Variants in CACNA2D3 observed in about 807,000 individuals in gnomAD.
CACNA2D3 encodes calcium voltage-gated channel auxiliary subunit alpha2delta 3, also known as voltage-dependent calcium channel subunit alpha-2/delta-3.
A neutral mutation model predicts 160.6 loss-of-function variants in CACNA2D3; 60 were observed. The observed-to-expected ratio is 0.37, with a 90% CI of 0.30 to 0.46. The LOEUF (loss-of-function observed/expected upper bound fraction) is 0.46, where lower values mean the gene tolerates loss of function less well. Among genes scored for constraint, CACNA2D3 ranks in the 20% least tolerant of loss-of-function variants. The probability of loss-of-function intolerance (pLI) is 1.00; values close to 1 mark genes in which losing one functional copy is unlikely to be tolerated. For synonymous variants in CACNA2D3, 558 were observed against 492.9 expected (o/e 1.13, Z -1.75); for missense variants, 1,205 against 1,365.0 (o/e 0.88, Z 1.85).
chr3:54,777,151 C>G (rs551536771), intron 13 of CACNA2D3, among the ~76,000 whole-genome samples: 2 of 152,310 alleles, frequency 1.3e-5, no homozygotes, highest in Non-Finnish European at 2.9e-5. Context: ...TTCATTCTTT[C>G]ACCTTTACTC....
intron 11 of CACNA2D3, among the ~76,000 whole-genome samples, chr3:54,685,571 T>C (rs1378684604): frequency 2.0e-5 from 3 of 152,196 alleles, no homozygotes; most frequent in South Asian, 4.1e-4. Flanking sequence ...CTGGGGAAAA[T>C]ACACCTGCCT....
chr3:54,768,905 G>A (rs1356228016), intron 13 of CACNA2D3, among the ~76,000 whole-genome samples: 1 of 152,130 alleles, frequency 6.6e-6, no homozygotes, highest in Non-Finnish European at 1.5e-5. Context: ...AGAATGTTCT[G>A]AGGGTTCCTT....
chr3:54,907,032 G>T (rs1456913959), intron 27 of CACNA2D3, among the ~76,000 whole-genome samples: 2 of 152,148 alleles, frequency 1.3e-5, no homozygotes, highest in Non-Finnish European at 2.9e-5. Flanking sequence ...CACTCTCCAG[G>T]ACACTTGCTC....
intron 5 of CACNA2D3, among the ~76,000 whole-genome samples, chr3:54,528,368 A>G (rs1422111036): frequency 2.0e-5 from 3 of 152,206 alleles, no homozygotes; most frequent in Non-Finnish European, 2.9e-5. Context: ...AAATATAGCA[A>G]TATGTAACAG....
chr3:54,292,618 C>T (rs979756194), intron 2 of CACNA2D3, among the ~76,000 whole-genome samples: 1 of 152,146 alleles, frequency 6.6e-6, no homozygotes, highest in East Asian at 1.9e-4. Flanking sequence ...ATTAAAGCCA[C>T]AGTCAGATAA....
rs185757834 is a variant in CACNA2D3 at position 54,822,152 on chromosome 3, A to T, written c.1398+5282A>T. Among the ~76,000 whole-genome samples, 13 of 152,314 alleles carry T rather than the reference A, an allele frequency of 8.5e-5. No homozygotes were observed. The East Asian group carries it at 2.5e-3, about 29-fold the overall frequency. ...TTCTCCTTATCATTTACTATTTTAT[A>T]GTAACATGTAAGGTACTTTTTATAT... On this transcript the variant is annotated intron_variant, in intron 14 of 37. Transcript: ENST00000474759.
chr3:54,371,932 A>C (rs1698932198), intron 3 of CACNA2D3, among the ~76,000 whole-genome samples: 1 of 152,232 alleles, frequency 6.6e-6, no homozygotes, highest in African/African-American at 2.4e-5. Flanking sequence ...AATATGAATA[A>C]TTATTTGTCT....
chr3:54,428,580 CT>C lies in CACNA2D3; in HGVS notation c.381+41819del, dbSNP rs76169167. On this transcript the variant is annotated intron_variant, in intron 4 of 37. Coordinates refer to ENST00000474759, the MANE Select transcript of CACNA2D3 (RefSeq NM_018398.3). Reference sequence around the variant, plus strand: ...AAAAATCTGGAACTTTGATATATTTCTTTTTTTTTTTTTCACCTTTTACTTT... The same window carrying C: ...AAAAATCTGGAACTTTGATATATTTCTTTTTTTTTTTTCACCTTTTACTTT... Among the ~76,000 whole-genome samples the C allele has an allele frequency of 8.9e-3, 1,278 of 143,502 alleles. 20 individuals carry two copies. Among genetic ancestry groups the C allele is most frequent in the East Asian group, 0.076 (376 of 4,922 alleles). 94.1% of individuals were successfully genotyped at this position (143,502 alleles called of 152,430 possible). A position where few individuals can be genotyped will look rare whatever the true frequency, so the allele number is the denominator to read the frequency against.
chr3:54,433,474 T>C (rs1360872649), intron 4 of CACNA2D3, among the ~76,000 whole-genome samples: 1 of 152,258 alleles, frequency 6.6e-6, no homozygotes, highest in Non-Finnish European at 1.5e-5. Flanking sequence ...ATTTGAATTG[T>C]ACAAAGTAAC....
At chr3:54,242,724 A>T (rs779753736) in intron 2 of CACNA2D3, among the ~76,000 whole-genome samples, 17 of 152,156 alleles carry the variant, frequency 1.1e-4, no homozygotes, top group Non-Finnish European at 2.5e-4. Flanking sequence ...CGCACAATTT[A>T]AAATGTATGA....
chr3:55,005,280 AAATT>A (rs1487436227), intron 32 of CACNA2D3, among the ~76,000 whole-genome samples: 1 of 151,630 alleles, frequency 6.6e-6, no homozygotes, highest in African/African-American at 2.4e-5. Flanking sequence ...CCTCTCAAAA[AAATT>A]AAATTAAATT....
At chr3:54,931,492 G>A (rs559959663) in intron 27 of CACNA2D3, among the ~76,000 whole-genome samples, 1 of 152,246 alleles carries the variant, frequency 6.6e-6, no homozygotes, top group African/African-American at 2.4e-5. Flanking sequence ...CCAAGAGGTG[G>A]CAAGACAGCC....
At chr3:54,158,870 ACC>A (rs1700289855) in intron 2 of CACNA2D3, among the ~76,000 whole-genome samples, 1 of 152,182 alleles carries the variant, frequency 6.6e-6, no homozygotes, top group Non-Finnish European at 1.5e-5. Flanking sequence ...CATTTGTCCT[ACC>A]TCTGTGCACA....
intron 11 of CACNA2D3, among the ~76,000 whole-genome samples, chr3:54,680,888 C>G (rs991877114): frequency 6.6e-6 from 1 of 152,148 alleles, no homozygotes; most frequent in African/African-American, 2.4e-5. Flanking sequence ...CAGGGGTAGA[C>G]TGAGCACTCA....
intron 2 of CACNA2D3, among the ~76,000 whole-genome samples, chr3:54,250,125 T>C (rs1390903973): frequency 1.3e-5 from 2 of 152,206 alleles, no homozygotes; most frequent in Admixed American, 6.5e-5. Context: ...CTCTCCTCCT[T>C]GATTTCAGGA....
At chr3:54,987,086 C>T (rs1005405705) in intron 30 of CACNA2D3, among the ~76,000 whole-genome samples, 1 of 152,188 alleles carries the variant, frequency 6.6e-6, no homozygotes, top group Non-Finnish European at 1.5e-5. Context: ...TTAGAAGTCT[C>T]ATTGGCCATG....
At chr3:54,998,559 G>A (rs1702908656) in intron 31 of CACNA2D3, among the ~76,000 whole-genome samples, 3 of 152,164 alleles carry the variant, frequency 2.0e-5, no homozygotes, top group Admixed American at 2.0e-4. Flanking sequence ...GAAAGGTGTT[G>A]ATTTGGTGCC....
chr3:54,285,047 G>A (rs1265495018), intron 2 of CACNA2D3, among the ~76,000 whole-genome samples: 3 of 152,288 alleles, frequency 2.0e-5, no homozygotes, highest in Non-Finnish European at 4.4e-5. Flanking sequence ...CTGAGGTACC[G>A]GGTTCATCTT....
intron 17 of CACNA2D3, among the ~76,000 whole-genome samples, chr3:54,868,335 G>A (rs909258732): frequency 6.6e-6 from 1 of 152,142 alleles, no homozygotes; most frequent in Non-Finnish European, 1.5e-5. Flanking sequence ...TTCTTAAACA[G>A]TGTTCCAGAG....
Sources: gnomAD v4.1 joint callset for allele counts (sites outside exome capture counted in the v4.1 genomes callset) on GRCh38, gnomAD v4.1.1 for gene constraint, MANE v1.5 for transcripts, NCBI Gene and HGNC (gene_info 2026-07-23, HGNC 2026-07-21) for gene names.